Variants in MAGI3 observed in about 807,000 individuals in gnomAD.
MAGI3 encodes membrane associated guanylate kinase, WW and PDZ domain containing 3, also known as membrane-associated guanylate kinase, WW and PDZ domain-containing protein 3.
A neutral mutation model predicts 121.8 loss-of-function variants in MAGI3; 43 were observed. That is an observed-to-expected ratio of 0.35 (90% CI 0.28 to 0.46). The LOEUF is 0.46. Ranked by LOEUF, MAGI3 falls within the 20% of genes least tolerant of loss-of-function variation. MAGI3 has a pLI of 1.00. For missense variants in MAGI3, 1,547 were observed against 1,797.3 expected, an observed-to-expected ratio of 0.86 and a Z score of 2.52; for synonymous variants, 553 against 639.3, an observed-to-expected ratio of 0.86 and a Z score of 2.04.
chr1:113,420,060 A>G (rs1267884540), intron 1 of MAGI3, among the ~76,000 whole-genome samples: 1 of 152,194 alleles, frequency 6.6e-6, no homozygotes, highest in Non-Finnish European at 1.5e-5. Flanking sequence ...AATTACAGAG[A>G]CAGATTTGTA....
intron 19 of MAGI3, among the ~76,000 whole-genome samples, chr1:113,677,210 A>G (rs981594578): frequency 6.6e-6 from 1 of 152,228 alleles, no homozygotes; most frequent in Non-Finnish European, 1.5e-5. Flanking sequence ...ATTAGGGAAT[A>G]GTGTCAAACT....
At chr1:113,439,326 A>G (rs1653797994) in intron 1 of MAGI3, among the ~76,000 whole-genome samples, 1 of 152,238 alleles carries the variant, frequency 6.6e-6, no homozygotes, top group Non-Finnish European at 1.5e-5. Flanking sequence ...AAGCGAAATC[A>G]TGGATAAGCA....
At chr1:113,650,832 G>A (rs1653119756) in intron 13 of MAGI3, among the ~76,000 whole-genome samples, 182 bp from the exon 14 acceptor site, 1 of 152,122 alleles carries the variant, frequency 6.6e-6, no homozygotes. Flanking sequence ...ATACAATGTG[G>A]TTATTTGAAG....
At chr1:113,595,045 C>A (rs1267045897) in intron 6 of MAGI3, among the ~76,000 whole-genome samples, 1 of 152,166 alleles carries the variant, frequency 6.6e-6, no homozygotes, top group Non-Finnish European at 1.5e-5. Context: ...CACACATATA[C>A]ACACTTACTT....
intron 4 of MAGI3, among the ~76,000 whole-genome samples, chr1:113,588,458 G>A (rs1438732878): frequency 2.6e-5 from 4 of 152,130 alleles, no homozygotes; most frequent in African/African-American, 7.2e-5. Flanking sequence ...ATATAATAAA[G>A]CATCTTGTAG....
At chr1:113,645,233 A>G (rs1322754665) in intron 11 of MAGI3, among the ~76,000 whole-genome samples, 3 of 152,150 alleles carry the variant, frequency 2.0e-5, no homozygotes, top group Admixed American at 1.3e-4. Flanking sequence ...TACATTGGCT[A>G]GGCTGGTCTC....
chr1:113,494,800 T>C (rs906075028), intron 1 of MAGI3, among the ~76,000 whole-genome samples: 1 of 152,234 alleles, frequency 6.6e-6, no homozygotes, highest in Non-Finnish European at 1.5e-5. Flanking sequence ...TCTTTGTTGA[T>C]AGCTGGTTTG....
At chr1:113,626,993 T>C (rs573609107) in intron 9 of MAGI3, among the ~76,000 whole-genome samples, 1 of 152,174 alleles carries the variant, frequency 6.6e-6, no homozygotes, top group East Asian at 1.9e-4. Flanking sequence ...AGTTTTCTCT[T>C]TTCTAGTTCT....
intron 1 of MAGI3, chr1:113,449,956 A>G (rs548926522): frequency 6.5e-7 from 1 of 1,547,350 alleles, no homozygotes; most frequent in African/African-American, 1.4e-5. Context: ...GTGGAACCAA[A>G]GACAGCTGTT....
At chr1:113,634,899 T>C (rs957030164) in intron 9 of MAGI3, among the ~76,000 whole-genome samples, 11 of 152,096 alleles carry the variant, frequency 7.2e-5, no homozygotes, top group African/African-American at 2.7e-4. Context: ...TGTATCCTCT[T>C]TTATTTCATT....
chr1:113,433,834 C>T (rs890808280), intron 1 of MAGI3, among the ~76,000 whole-genome samples: 7 of 152,128 alleles, frequency 4.6e-5, no homozygotes, highest in East Asian at 1.9e-4. Context: ...TATTATGCCC[C>T]GTTAAAAACC....
chr1:113,677,326 G>T (rs1647934150), intron 19 of MAGI3, among the ~76,000 whole-genome samples: 1 of 152,162 alleles, frequency 6.6e-6, no homozygotes, highest in Non-Finnish European at 1.5e-5. Context: ...ACTTATATTA[G>T]TCTCAAAAAC....
At chr1:113,610,427 G>A (rs867992989) in intron 6 of MAGI3, among the ~76,000 whole-genome samples, 14 of 152,210 alleles carry the variant, frequency 9.2e-5, no homozygotes, top group African/African-American at 3.1e-4. Flanking sequence ...CATGTCTGCT[G>A]TCATAGCTTT....
In MAGI3 at chr1:113,603,109, AAAATGAAAATGAAATGG is replaced by A. The variant is rs1280369054; in HGVS notation, c.1018+8564_1018+8580del. 3.4e-5 allele frequency among the ~76,000 whole-genome samples: 5 copies of A among 147,244 alleles called. No homozygotes were observed. In the East Asian group the frequency reaches 7.7e-4, roughly 23 times the overall value. On this transcript the variant is annotated intron_variant, in intron 6 of 20. Coordinates refer to ENST00000307546, the MANE Select transcript of MAGI3 (RefSeq NM_001142782.2). ...ATTCAAATAAGCCCAATTCGAAATG[AAAATGAAAATGAAATGG>A]AAATGAAAATGAAAATGGAGACATT...
chr1:113,488,555 G>A (rs561455518), intron 1 of MAGI3, among the ~76,000 whole-genome samples: 14 of 152,316 alleles, frequency 9.2e-5, no homozygotes, highest in East Asian at 5.8e-4. Context: ...GTTTCTGTGG[G>A]CATGAACCAG....
In MAGI3 at chr1:113,534,849, T is replaced by C. The variant is rs189186924; in HGVS notation, c.317-14666T>C. ...AAGTATTTTTATTGGAATCAGACTG[T>C]TTAATTGTTTTTCTCCTGTCCATGT... On this transcript the variant is annotated intron_variant, in intron 1 of 20. Coordinates refer to ENST00000307546, the MANE Select transcript of MAGI3 (RefSeq NM_001142782.2). 5.3e-5 allele frequency among the ~76,000 whole-genome samples: 8 copies of C among 152,288 alleles called. No individual in the cohort carries two copies. The East Asian group carries it at 1.4e-3, about 26-fold the overall frequency.
intron 1 of MAGI3, among the ~76,000 whole-genome samples, chr1:113,478,289 A>T (rs959709530): frequency 3.3e-5 from 5 of 151,926 alleles, no homozygotes; most frequent in Admixed American, 1.3e-4. Context: ...GGAGCTGCAA[A>T]CCTTTGGAGG....
intron 2 of MAGI3, among the ~76,000 whole-genome samples, chr1:113,577,583 C>G (rs1647734274): frequency 6.6e-6 from 1 of 151,758 alleles, no homozygotes; most frequent in Non-Finnish European, 1.5e-5. Flanking sequence ...AGGAAGATAA[C>G]TTTATGTGTA....
At chr1:113,453,074 TG>T (rs996069343) in intron 1 of MAGI3, among the ~76,000 whole-genome samples, 14 of 152,300 alleles carry the variant, frequency 9.2e-5, no homozygotes, top group African/African-American at 3.1e-4. Flanking sequence ...AAGTTCTTCA[TG>T]GGAAAGCAGA....
Sources: gnomAD v4.1 joint callset for allele counts (sites outside exome capture counted in the v4.1 genomes callset) on GRCh38, gnomAD v4.1.1 for gene constraint, MANE v1.5 for transcripts, NCBI Gene and HGNC (gene_info 2026-07-23, HGNC 2026-07-21) for gene names.